The following LRP1B variants were observed in gnomAD, a reference collection of about 807,000 sequenced individuals.
The protein encoded by LRP1B is LDL receptor related protein 1B.
A neutral mutation model predicts 556.6 loss-of-function variants in LRP1B; 217 were observed. That is an observed-to-expected ratio of 0.39 (90% CI 0.35 to 0.44). The LOEUF (loss-of-function observed/expected upper bound fraction) is 0.44, where lower values mean the gene tolerates loss of function less well. LRP1B is among the 20% of genes least tolerant of loss of function. The pLI is 1.00. For synonymous variants in LRP1B, 2,047 were observed against 1,865.8 expected, an observed-to-expected ratio of 1.10 and a Z score of -2.50; for missense variants, 5,053 against 5,620.8, an observed-to-expected ratio of 0.90 and a Z score of 3.23.
At chr2:142,061,466 C>T (rs55707941) in intron 1 of LRP1B, among the ~76,000 whole-genome samples, 17,460 of 151,932 alleles carry the variant, frequency 0.11, 1,375 homozygotes, top group Non-Finnish European at 0.15. Flanking sequence ...ATTATGCCTA[C>T]ATTAAAGCAT....
chr2:140,735,423 A>C (rs1687914410), intron 35 of LRP1B, among the ~76,000 whole-genome samples: 1 of 152,222 alleles, frequency 6.6e-6, no homozygotes, highest in South Asian at 2.1e-4. Context: ...AAAGAGGCTC[A>C]TAACTCCCAT....
At position 141,645,637 on chromosome 2, in the gene LRP1B, G is replaced by GT. The variant is rs201433095; in HGVS notation, c.205+164641dup. ...ATCCTAGAAAAGTCAGCATCAACAT[G>GT]TTTTTTTTTCCAATTCTGATTAGAA... is the stretch of plus-strand genomic sequence containing the variant. On this transcript the variant is annotated intron_variant, in intron 2 of 90. Coordinates refer to ENST00000389484, the MANE Select transcript of LRP1B (RefSeq NM_018557.3). Among the ~76,000 whole-genome samples the GT allele has an allele frequency of 1.9e-3, 293 of 150,518 alleles. 1 individual carries two copies. The highest frequency in any genetic ancestry group is 2.2e-3 in the Non-Finnish European group (150 of 67,570).
chr2:141,974,652 G>T (rs1701834968), intron 1 of LRP1B, among the ~76,000 whole-genome samples: 1 of 152,030 alleles, frequency 6.6e-6, no homozygotes, highest in Non-Finnish European at 1.5e-5. Flanking sequence ...ACTTAAAAAT[G>T]TTTGACTTCA....
intron 2 of LRP1B, among the ~76,000 whole-genome samples, chr2:141,660,751 G>C (rs892082849): frequency 6.6e-6 from 1 of 152,118 alleles, no homozygotes; most frequent in African/African-American, 2.4e-5. Flanking sequence ...TCCCCTGCTG[G>C]CTCTGAAAAA....
chr2:141,510,949 T>A (rs1156972330), intron 2 of LRP1B, among the ~76,000 whole-genome samples: 1 of 150,762 alleles, frequency 6.6e-6, no homozygotes, highest in Non-Finnish European at 1.5e-5. Context: ...GAATAAGAAC[T>A]TTTTAAATTT....
At chr2:141,610,862 A>G (rs1224844139) in intron 2 of LRP1B, among the ~76,000 whole-genome samples, 2 of 152,344 alleles carry the variant, frequency 1.3e-5, no homozygotes, top group East Asian at 1.9e-4. Flanking sequence ...CCCTCAGACT[A>G]TAACTGTATT....
At chr2:140,848,348 CA>C (rs1692338991) in intron 29 of LRP1B, among the ~76,000 whole-genome samples, 1 of 152,160 alleles carries the variant, frequency 6.6e-6, no homozygotes, top group Admixed American at 6.5e-5. Context: ...TCTTGTTTTT[CA>C]GCAAGTTCGA....
At chr2:141,271,186 A>G (rs1339144583) in intron 3 of LRP1B, among the ~76,000 whole-genome samples, 4 of 151,970 alleles carry the variant, frequency 2.6e-5, no homozygotes, top group African/African-American at 9.7e-5. Context: ...TTGAAGTCAT[A>G]TTATATAATC....
At chr2:140,257,276 A>G (rs765268106) in intron 86 of LRP1B, among the ~76,000 whole-genome samples, 10 of 152,206 alleles carry the variant, frequency 6.6e-5, no homozygotes, top group Non-Finnish European at 1.5e-4. Flanking sequence ...TAGCAGTACA[A>G]TCTAAGAAAA....
At chr2:141,477,751 T>C (rs1682767346) in intron 3 of LRP1B, among the ~76,000 whole-genome samples, 1 of 152,244 alleles carries the variant, frequency 6.6e-6, no homozygotes, top group South Asian at 2.1e-4. Flanking sequence ...TGCTATGTAG[T>C]GTGCAAGGCC....
chr2:141,397,110 T>A (rs1183848738), intron 3 of LRP1B, among the ~76,000 whole-genome samples: 1 of 4,586 alleles, frequency 2.2e-4, no homozygotes, highest in Non-Finnish European at 4.4e-4. Flanking sequence ...GGAAACTTTG[T>A]CTCAAAAAAA....
chr2:141,487,061 C>G (rs1391495022), intron 2 of LRP1B, among the ~76,000 whole-genome samples: 1 of 152,144 alleles, frequency 6.6e-6, no homozygotes, highest in East Asian at 1.9e-4. Context: ...TGTTATTCCT[C>G]ACAGCGTTCC....
chr2:141,163,567 C>T (rs976433098), intron 7 of LRP1B, among the ~76,000 whole-genome samples: 28 of 151,962 alleles, frequency 1.8e-4, no homozygotes, highest in Non-Finnish European at 2.9e-4. Flanking sequence ...TCCCATAATT[C>T]CCATGTGTTG....
At chr2:140,705,147 A>C (rs183042730) in intron 37 of LRP1B, among the ~76,000 whole-genome samples, 41 of 152,264 alleles carry the variant, frequency 2.7e-4, no homozygotes, top group Admixed American at 2.7e-3. Context: ...TAGAAAGATA[A>C]CACAGAAATA....
chr2:140,331,206 TGTG>T (rs1337145223), intron 79 of LRP1B, among the ~76,000 whole-genome samples: 1 of 151,820 alleles, frequency 6.6e-6, no homozygotes. Flanking sequence ...ATAAAGAAAA[TGTG>T]GTACATATAC....
chr2:140,578,654 T>C (rs1049495037), intron 43 of LRP1B, among the ~76,000 whole-genome samples: 1 of 152,162 alleles, frequency 6.6e-6, no homozygotes, highest in Admixed American at 6.5e-5. Context: ...AATGAGTTAA[T>C]GTGTGCAGCA....
chr2:142,002,310 A>T (rs569785886), intron 1 of LRP1B, among the ~76,000 whole-genome samples: 1 of 152,214 alleles, frequency 6.6e-6, no homozygotes, highest in African/African-American at 2.4e-5. Flanking sequence ...GTGGCACAAA[A>T]TTGGGAGAGT....
intron 1 of LRP1B, among the ~76,000 whole-genome samples, chr2:142,033,242 C>T (rs558258406): frequency 1.8e-4 from 27 of 151,760 alleles, no homozygotes; most frequent in Admixed American, 5.3e-4. Context: ...TGAAATATAA[C>T]GCAATACAAT....
At chr2:142,123,531 C>T (rs1316624181) in intron 1 of LRP1B, among the ~76,000 whole-genome samples, 1 of 151,886 alleles carries the variant, frequency 6.6e-6, no homozygotes, top group Non-Finnish European at 1.5e-5. Flanking sequence ...AAGGCTAAGC[C>T]AGTCAGGACA....
Sources: gnomAD v4.1 joint callset for allele counts (sites outside exome capture counted in the v4.1 genomes callset) on GRCh38, gnomAD v4.1.1 for gene constraint, MANE v1.5 for transcripts, NCBI Gene and HGNC (gene_info 2026-07-23, HGNC 2026-07-21) for gene names.